DIS3L: variants seen among roughly 807,000 people sequenced by gnomAD.
DIS3L encodes DIS3-like exonuclease 1.
A neutral mutation model predicts 120.3 loss-of-function variants in DIS3L; 100 were observed. The observed-to-expected ratio is 0.83, with a 90% confidence interval of 0.71 to 0.98. The LOEUF (loss-of-function observed/expected upper bound fraction) is 0.98, where lower values mean the gene tolerates loss of function less well. Ranked by LOEUF, DIS3L falls within the 50% of genes least tolerant of loss-of-function variation. The pLI is 0.00. For synonymous variants in DIS3L, 426 were observed against 470.6 expected (o/e 0.91, Z 1.23); for missense variants, 1,196 against 1,314.2 (o/e 0.91, Z 1.39).
intron 2 of DIS3L, among the ~76,000 whole-genome samples, chr15:66,300,720 A>G (rs1217031536): frequency 2.0e-5 from 3 of 152,224 alleles, no homozygotes. Flanking sequence ...TTTCTGGCCT[A>G]CATGACTGGA....
Position 66,326,018 on chromosome 15 carries a change from C to G in DIS3L, c.1855C>G (p.Gln619Glu), listed in dbSNP as rs1207582772. 5 of 1,614,136 alleles carry G rather than the reference C, an allele frequency of 3.1e-6. No homozygotes were observed. The highest frequency in any genetic ancestry group is 3.4e-6 in the Non-Finnish European group (4 of 1,180,022). Residue 619 changes from glutamine (Q) to glutamate (E), a missense_variant, in exon 12 of 17, where the codon CAA (glutamine) becomes GAA (glutamate). Coordinates refer to ENST00000319212, the MANE Select transcript of DIS3L (RefSeq NM_001143688.3). Reference sequence around the variant, plus strand: ...CAAAGACTTGGATGAGAAGAGCAGACAAGCCAAGCTGGAGGAGTTGGTGTG... The same window carrying G: ...CAAAGACTTGGATGAGAAGAGCAGAGAAGCCAAGCTGGAGGAGTTGGTGTG... ...EFKDLDEKSR[Q>E]AKLEELVWAI...
At chr15:66,325,402 AAT>A (rs2092925289) in intron 11 of DIS3L, among the ~76,000 whole-genome samples, 1 of 152,218 alleles carries the variant, frequency 6.6e-6, no homozygotes, top group Non-Finnish European at 1.5e-5. Flanking sequence ...TCAAGAAAAA[AAT>A]GGAGGACATA....
In DIS3L at chr15:66,314,229, T is replaced by C. The variant is rs541458334; in HGVS notation, c.814+112T>C. 24 of 769,410 alleles carry C rather than the reference T, an allele frequency of 3.1e-5. No individual in the cohort carries two copies. The South Asian group carries it at 6.5e-4, about 21-fold the overall frequency. The allele number at this position is 769,410 out of a possible 1,614,324, so 47.7% of individuals were successfully genotyped here. A position where few individuals can be genotyped will look rare whatever the true frequency, so the allele number is the denominator to read the frequency against. On this transcript the variant is annotated intron_variant, in intron 6 of 16. Coordinates refer to ENST00000319212, the MANE Select transcript of DIS3L (RefSeq NM_001143688.3). ...TCATATGTGCCCTGTTATGTATGCC[T>C]ACATACATTGGGTATGTGAGATTGT... is the stretch of plus-strand genomic sequence containing the variant.
chr15:66,300,107 T>A (rs1317289723), intron 2 of DIS3L, among the ~76,000 whole-genome samples: 2 of 152,160 alleles, frequency 1.3e-5, no homozygotes, highest in Non-Finnish European at 2.9e-5. Context: ...TCATGGCAGC[T>A]TTCTTCATCA....
At chr15:66,301,644 G>A (rs889410713) in intron 2 of DIS3L, among the ~76,000 whole-genome samples, 12 of 152,158 alleles carry the variant, frequency 7.9e-5, no homozygotes, top group Non-Finnish European at 1.8e-4. Flanking sequence ...TAAGGCACAT[G>A]GTGCTGTTTG....
chr15:66,332,307 A>C (rs1357116272), intron 15 of DIS3L, among the ~76,000 whole-genome samples: 2 of 152,156 alleles, frequency 1.3e-5, no homozygotes, highest in East Asian at 3.9e-4. Flanking sequence ...AAGTACAAAA[A>C]TTAGCCGGGC....
At chr15:66,324,995 A>G (rs937220203) in intron 11 of DIS3L, among the ~76,000 whole-genome samples, 2 of 152,122 alleles carry the variant, frequency 1.3e-5, no homozygotes, top group Non-Finnish European at 2.9e-5. Flanking sequence ...TGTCATCAAG[A>G]TTGATATCAC....
Position 66,333,101 on chromosome 15 carries a change from T to C in DIS3L, c.2954T>C (p.Ile985Thr), listed in dbSNP as rs773426820. 3.1e-6 allele frequency: 5 copies of C among 1,613,418 alleles called. No individual in the cohort carries two copies. In the South Asian group the frequency reaches 4.4e-5, roughly 14 times the overall value. The part of the protein sequence containing the change: ...KPYKIPNTEL[I>T]HQSSPLLKSE... ...TACAAGATACCAAATACAGAACTTA[T>C]TCATCAGAGTTCCCCCTTGCTGAAG... is the stretch of plus-strand genomic sequence containing the variant. Residue 985 changes from isoleucine to threonine, a missense_variant, in exon 17 of 17, where the codon ATT (isoleucine) becomes ACT (threonine). Ile to Thr is a moderately conservative substitution (Grantham distance 89). Transcript: ENST00000319212.
chr15:66,330,071 G>A lies in DIS3L; in HGVS notation c.2535+672G>A. The A allele has an allele frequency of 4.1e-6, 4 of 983,256 alleles. No individual in the cohort carries two copies. The South Asian group carries it at 1.4e-4, about 35-fold the overall frequency. 60.9% of individuals were successfully genotyped at this position (983,256 alleles called of 1,614,324 possible). ...TATTCCCAGTACTTTGGGAGGCTGA[G>A]GCAGGTGGATCACGAGGTCAGGAGA... On this transcript the variant is annotated intron_variant, in intron 14 of 16. Coordinates refer to ENST00000319212, the MANE Select transcript of DIS3L (RefSeq NM_001143688.3).
intron 7 of DIS3L, among the ~76,000 whole-genome samples, chr15:66,315,582 C>T (rs899748227): frequency 6.6e-6 from 1 of 152,100 alleles, no homozygotes; most frequent in Non-Finnish European, 1.5e-5. Flanking sequence ...ATAGTCTCTT[C>T]CTCTCCATTA....
chr15:66,329,155 G>A (rs952758603), intron 13 of DIS3L, 31 bp downstream of exon 13: 8 of 1,595,470 alleles, frequency 5.0e-6, no homozygotes, highest in Non-Finnish European at 6.8e-6. Context: ...ATGTGTGGCT[G>A]TAACTTTGCG....
chr15:66,298,658 G>A (rs2092615689), intron 2 of DIS3L, among the ~76,000 whole-genome samples: 1 of 152,196 alleles, frequency 6.6e-6, no homozygotes, highest in South Asian at 2.1e-4. Flanking sequence ...GCACAGAACA[G>A]TATGACTAAT....
intron 2 of DIS3L, among the ~76,000 whole-genome samples, chr15:66,300,304 A>G (rs1367121146): frequency 6.6e-6 from 1 of 152,208 alleles, no homozygotes; most frequent in Non-Finnish European, 1.5e-5. Context: ...AAAACATCAT[A>G]TGTTGTATAA....
At chr15:66,319,996 C>T (rs1439525328) in intron 8 of DIS3L, among the ~76,000 whole-genome samples, 2 of 150,058 alleles carry the variant, frequency 1.3e-5, no homozygotes, top group African/African-American at 2.4e-5. Flanking sequence ...TGGTGGTACA[C>T]GCTTGTAATC....
chr15:66,325,868 T>A lies in DIS3L; in HGVS notation c.1705T>A (p.Ser569Thr), dbSNP rs751573068. The change falls in exon 12 of 17, where the codon TCT becomes ACT. Residue 569 changes from serine (S) to threonine (T), a missense_variant. Transcript: ENST00000319212. The stretch of plus-strand genomic sequence containing the variant: ...CATCATGTGGGAACTGGATAAAGCC[T>A]CTTATGAAATTAAGAAAGTGTGGTA... ...VSIMWELDKA[S>T]YEIKKVWYGR... 1.3e-5 allele frequency: 21 copies of A among 1,612,428 alleles called. No homozygotes were observed. Among genetic ancestry groups the A allele is most frequent in the Non-Finnish European group, 1.8e-5 (21 of 1,178,608 alleles).
intron 7 of DIS3L, among the ~76,000 whole-genome samples, chr15:66,316,731 C>T (rs2092820738): frequency 6.6e-6 from 1 of 152,184 alleles, no homozygotes; most frequent in Non-Finnish European, 1.5e-5. Context: ...ACGAGAATCG[C>T]TTGAACCTAG....
rs865874816 is a variant in DIS3L at position 66,317,359 on chromosome 15, A to G, written c.995-1090A>G. On this transcript the variant is annotated intron_variant, in intron 7 of 16. Coordinates refer to ENST00000319212, the MANE Select transcript of DIS3L (RefSeq NM_001143688.3). ...AATATTTGTGGGAAAAAAAAAAAAAAAAAGAAAAAAGAGAACATTTTTAAT... is the reference window on the plus strand; with the variant it reads ...AATATTTGTGGGAAAAAAAAAAAAAGAAAGAAAAAAGAGAACATTTTTAAT... Among the ~76,000 whole-genome samples the G allele has an allele frequency of 4.0e-5, 6 of 151,644 alleles. No homozygotes were observed. The South Asian group carries it at 6.2e-4, about 16-fold the overall frequency.
intron 5 of DIS3L, among the ~76,000 whole-genome samples, chr15:66,313,118 C>T (rs2092779184): frequency 6.6e-6 from 1 of 152,106 alleles, no homozygotes; most frequent in African/African-American, 2.4e-5. Flanking sequence ...GCCTCAGCCT[C>T]CTGAGTAGCT....
chr15:66,332,514 GTA>G (rs1315039294), intron 15 of DIS3L, among the ~76,000 whole-genome samples: 1,753 of 74,646 alleles, frequency 0.023, 19 homozygotes, highest in Middle Eastern at 0.047. Flanking sequence ...GTGTGTGTGT[GTA>G]TATATATACA....
Sources: gnomAD v4.1 joint callset for allele counts (sites outside exome capture counted in the v4.1 genomes callset) on GRCh38, gnomAD v4.1.1 for gene constraint, MANE v1.5 for transcripts, NCBI Gene and HGNC (gene_info 2026-07-23, HGNC 2026-07-21) for gene names.